Variants in ZNF385D observed in about 807,000 individuals in gnomAD.
ZNF385D encodes zinc finger protein 385D, also known as zinc finger protein 659.
In ZNF385D, 15 loss-of-function variants were observed where a neutral mutation model predicts 35.8. The observed-to-expected ratio is 0.42, with a 90% CI of 0.28 to 0.64. The LOEUF is 0.64. ZNF385D is among the 30% of genes least tolerant of loss of function. The probability of loss-of-function intolerance (pLI) is 0.23; values close to 1 mark genes in which losing one functional copy is unlikely to be tolerated. For synonymous variants in ZNF385D, 212 were observed against 186.8 expected (o/e 1.13, Z -1.10); for missense variants, 474 against 494.6 (o/e 0.96, Z 0.39).
intron 3 of ZNF385D, among the ~76,000 whole-genome samples, chr3:21,879,123 G>T (rs1221314125): frequency 6.6e-6 from 1 of 151,972 alleles, no homozygotes; most frequent in Non-Finnish European, 1.5e-5. Context: ...TGTCTTGAAT[G>T]ACATTAACAA....
In ZNF385D at chr3:21,449,126, A is replaced by G. The variant is rs1056000209; in HGVS notation, c.440-11923T>C. On this transcript the variant is annotated intron_variant, in intron 4 of 7. Coordinates refer to ENST00000281523, the MANE Select transcript of ZNF385D (RefSeq NM_024697.3). ...GACTTATTGGTTAGTTCTGTCAATC[A>G]ATTTTTAATTCAATACTTTAAATAT... Among the ~76,000 whole-genome samples, 4 of 152,188 alleles carry G rather than the reference A, an allele frequency of 2.6e-5. No individual in the cohort carries two copies. In the East Asian group the frequency reaches 7.7e-4, roughly 29 times the overall value.
intron 2 of ZNF385D, among the ~76,000 whole-genome samples, chr3:22,231,160 C>T (rs769123591): frequency 1.2e-4 from 19 of 152,058 alleles, no homozygotes; most frequent in Admixed American, 7.2e-4. Context: ...AAAGAAATAG[C>T]CAAAAAGTGC....
chr3:21,958,127 T>G (rs1702386699), intron 3 of ZNF385D, among the ~76,000 whole-genome samples: 1 of 152,148 alleles, frequency 6.6e-6, no homozygotes, highest in South Asian at 2.1e-4. Context: ...AAATTTTTTA[T>G]CTCCTTATTT....
chr3:21,439,544 T>G (rs148432286), intron 4 of ZNF385D, among the ~76,000 whole-genome samples: 1 of 152,184 alleles, frequency 6.6e-6, no homozygotes, highest in African/African-American at 2.4e-5. Flanking sequence ...TCCCTAGTAA[T>G]ACCCTGCTCT....
chr3:21,975,598 C>G (rs926801867), intron 3 of ZNF385D, among the ~76,000 whole-genome samples: 1 of 151,260 alleles, frequency 6.6e-6, no homozygotes, highest in Non-Finnish European at 1.5e-5. Flanking sequence ...GAATGGATAC[C>G]CCATTTACTT....
upstream of ZNF385D, among the ~76,000 whole-genome samples, chr3:21,752,360 G>A (rs994403187): frequency 5.9e-5 from 9 of 152,086 alleles, no homozygotes; most frequent in African/African-American, 7.2e-5. Context: ...ATGGAAGAAT[G>A]CAATTGATAT....
chr3:21,510,004 G>C (rs1037938379), intron 4 of ZNF385D, among the ~76,000 whole-genome samples: 3 of 152,084 alleles, frequency 2.0e-5, no homozygotes, highest in Non-Finnish European at 4.4e-5. Flanking sequence ...TTTCAGTTAA[G>C]ACACTATCAT....
intron 4 of ZNF385D, among the ~76,000 whole-genome samples, chr3:21,441,398 T>C (rs995293207): frequency 6.6e-6 from 1 of 152,178 alleles, no homozygotes; most frequent in African/African-American, 2.4e-5. Context: ...ACGCCAGAGC[T>C]GCCAACAGGT....
intron 5 of ZNF385D, among the ~76,000 whole-genome samples, chr3:21,427,385 G>A (rs1701071287): frequency 6.6e-6 from 1 of 152,154 alleles, no homozygotes; most frequent in African/African-American, 2.4e-5. Flanking sequence ...CTCTCATCCT[G>A]ATTTTCTTGA....
chr3:21,450,646 T>C (rs17273467), intron 4 of ZNF385D, among the ~76,000 whole-genome samples: 42,193 of 152,064 alleles, frequency 0.28, 6,490 homozygotes, highest in East Asian at 0.43. Flanking sequence ...ATACAATGCT[T>C]TTCACCAAAA....
chr3:21,517,155 CTT>C (rs1707622910), intron 3 of ZNF385D, among the ~76,000 whole-genome samples: 1 of 151,834 alleles, frequency 6.6e-6, no homozygotes, highest in African/African-American at 2.4e-5. Flanking sequence ...AATGGAGTCA[CTT>C]GTGACAAGTG....
At position 21,670,659 on chromosome 3, in the gene ZNF385D, CCCCCCCCCCCCCCCAA is replaced by C. The variant is rs2066544149; in HGVS notation, c.23-5647_23-5632del. ...AATGAAATCCTAAGGCGCCCCCCCCCCCCCCCCCCCCCCCAATGACTGAACGAATCCCCTTTGGCCA... is the reference window on the plus strand; with the variant it reads ...AATGAAATCCTAAGGCGCCCCCCCCCTGACTGAACGAATCCCCTTTGGCCA... On this transcript the variant is annotated intron_variant, in intron 1 of 7. Coordinates refer to ENST00000281523, the MANE Select transcript of ZNF385D (RefSeq NM_024697.3). Among the ~76,000 whole-genome samples, 10 of 18,700 alleles carry C rather than the reference CCCCCCCCCCCCCCCAA, an allele frequency of 5.3e-4. 1 individual carries two copies. The highest frequency in any genetic ancestry group is 1.0e-3 in the Non-Finnish European group (9 of 8,874). 12.3% of individuals were successfully genotyped at this position (18,700 alleles called of 152,430 possible).
intron 2 of ZNF385D, among the ~76,000 whole-genome samples, chr3:21,596,590 C>T (rs752702952): frequency 1.3e-5 from 2 of 151,288 alleles, no homozygotes; most frequent in Non-Finnish European, 2.9e-5. Flanking sequence ...AAGCAATCCT[C>T]CTGCCTCAGC....
At chr3:22,115,706 A>G (rs982206156) in intron 3 of ZNF385D, among the ~76,000 whole-genome samples, 2 of 152,102 alleles carry the variant, frequency 1.3e-5, no homozygotes, top group African/African-American at 4.8e-5. Flanking sequence ...TGCAAAGTGT[A>G]AAATGTAATG....
chr3:22,050,132 A>G (rs1487769217), intron 3 of ZNF385D, among the ~76,000 whole-genome samples: 3 of 152,044 alleles, frequency 2.0e-5, no homozygotes, highest in Non-Finnish European at 1.5e-5. Context: ...TTGGGAGACC[A>G]ACGCATGAGG....
At chr3:22,168,330 C>T (rs896736339) in intron 3 of ZNF385D, among the ~76,000 whole-genome samples, 7 of 151,958 alleles carry the variant, frequency 4.6e-5, no homozygotes, top group Admixed American at 2.0e-4. Flanking sequence ...TTAAATAAAC[C>T]ATAAATTTTC....
intron 2 of ZNF385D, among the ~76,000 whole-genome samples, chr3:22,341,945 G>A (rs141108015): frequency 1.3e-5 from 2 of 152,148 alleles, no homozygotes; most frequent in East Asian, 1.9e-4. Flanking sequence ...AAAGTGCCAA[G>A]TACATAGTTA....
At chr3:22,135,729 C>T (rs1000115248) in intron 3 of ZNF385D, among the ~76,000 whole-genome samples, 1 of 152,146 alleles carries the variant, frequency 6.6e-6, no homozygotes, top group African/African-American at 2.4e-5. Flanking sequence ...ACTGTTAAGA[C>T]TTACTATAGA....
At chr3:22,034,267 T>TC (rs1223622552) in intron 3 of ZNF385D, among the ~76,000 whole-genome samples, 5 of 152,128 alleles carry the variant, frequency 3.3e-5, no homozygotes, top group Non-Finnish European at 1.5e-5. Flanking sequence ...AAGAGAGCTG[T>TC]CCTCCTCTCT....
Sources: allele counts gnomAD v4.1 joint callset (sites outside exome capture counted in the v4.1 genomes callset), GRCh38; gene constraint gnomAD v4.1.1; transcripts MANE v1.5; gene names NCBI Gene and HGNC (gene_info 2026-07-23, HGNC 2026-07-21).